Variants in RPRD1A observed in about 807,000 individuals in gnomAD.
The protein encoded by RPRD1A is regulation of nuclear pre-mRNA domain containing 1A, also known as regulation of nuclear pre-mRNA domain-containing protein 1A.
RPRD1A carries 9 observed loss-of-function variants against 37.8 expected under a neutral mutation model. The observed-to-expected ratio is 0.24, with a 90% CI of 0.14 to 0.42. The LOEUF is 0.42. Ranked by LOEUF, RPRD1A falls within the 10% of genes least tolerant of loss-of-function variation. The probability of loss-of-function intolerance (pLI) is 1.00; values close to 1 mark genes in which losing one functional copy is unlikely to be tolerated. For synonymous variants in RPRD1A, 138 were observed against 139.7 expected, an observed-to-expected ratio of 0.99 and a Z score of 0.08; for missense variants, 255 against 371.0, an observed-to-expected ratio of 0.69 and a Z score of 2.57.
intron 1 of RPRD1A, among the ~76,000 whole-genome samples, chr18:36,057,051 CAAAAA>C (rs35428437): frequency 1.8e-3 from 81 of 44,726 alleles, no homozygotes; most frequent in Non-Finnish European, 6.4e-4. Flanking sequence ...CCTGTTTCTA[CAAAAA>C]AAAAAAAAAA....
chr18:36,047,372 GAC>G (rs757302278), intron 1 of RPRD1A, among the ~76,000 whole-genome samples: 69 of 152,064 alleles, frequency 4.5e-4, no homozygotes, highest in African/African-American at 1.3e-3. Context: ...CATGAAAAAA[GAC>G]ACAGTCTCAA....
At chr18:36,044,261 C>A (rs994890639) in intron 1 of RPRD1A, among the ~76,000 whole-genome samples, 7 of 152,030 alleles carry the variant, frequency 4.6e-5, no homozygotes, top group Non-Finnish European at 8.8e-5. Flanking sequence ...GAAAAAAATT[C>A]ACATAGAAGT....
At chr18:36,012,018 C>T (rs1455711619) in intron 6 of RPRD1A, among the ~76,000 whole-genome samples, 1 of 152,172 alleles carries the variant, frequency 6.6e-6, no homozygotes, top group Non-Finnish European at 1.5e-5. Context: ...GGACAAAAAT[C>T]ATCCCTTAAT....
Position 36,016,381 on chromosome 18 carries a change from C to T in RPRD1A, c.789+10519G>A, listed in dbSNP as rs567990364. Among the ~76,000 whole-genome samples, 9 of 152,276 alleles carry T rather than the reference C, an allele frequency of 5.9e-5. No individual in the cohort carries two copies. The East Asian group carries it at 1.5e-3, about 26-fold the overall frequency. The stretch of plus-strand genomic sequence containing the variant: ...AGGATTACAGTTGCCTGCCACTACA[C>T]CCAGCTAATTTTTGTATTTTTAGTA... On this transcript the variant is annotated intron_variant, in intron 6 of 6. Transcript: ENST00000399022.
intron 1 of RPRD1A, among the ~76,000 whole-genome samples, chr18:36,065,258 C>T (rs1481383707): frequency 6.6e-6 from 1 of 152,152 alleles, no homozygotes; most frequent in Non-Finnish European, 1.5e-5. Flanking sequence ...AAAAGAAGTA[C>T]TGTTTTGCAT....
At chr18:36,007,247 C>T (rs1029337578) in intron 6 of RPRD1A, among the ~76,000 whole-genome samples, 4 of 152,130 alleles carry the variant, frequency 2.6e-5, no homozygotes, top group Admixed American at 2.6e-4. Context: ...AAAATTCAGG[C>T]TTTCACATAT....
intron 1 of RPRD1A, among the ~76,000 whole-genome samples, chr18:36,058,003 A>G (rs1406792315): frequency 6.6e-6 from 1 of 152,216 alleles, no homozygotes; most frequent in Non-Finnish European, 1.5e-5. Context: ...GACAGTAAGG[A>G]GGTCAACAAG....
chr18:36,036,982 A>G (rs1912233111), intron 1 of RPRD1A, among the ~76,000 whole-genome samples: 1 of 152,180 alleles, frequency 6.6e-6, no homozygotes, highest in Admixed American at 6.5e-5. Context: ...TTTAAATAGC[A>G]TTTATTATTT....
At chr18:36,032,936 A>G (rs901338992) in intron 2 of RPRD1A, among the ~76,000 whole-genome samples, 2 of 152,208 alleles carry the variant, frequency 1.3e-5, no homozygotes, top group Non-Finnish European at 2.9e-5. Context: ...ACTGGAGCAT[A>G]AAACTGTAAG....
At chr18:36,003,247 G>A (rs1051463015) in intron 6 of RPRD1A, among the ~76,000 whole-genome samples, 4 of 152,188 alleles carry the variant, frequency 2.6e-5, no homozygotes, top group African/African-American at 9.6e-5. Context: ...ACCAGCATCT[G>A]ATGAAACAGA....
intron 1 of RPRD1A, among the ~76,000 whole-genome samples, chr18:36,047,114 A>C (rs1913014333): frequency 6.6e-6 from 1 of 152,090 alleles, no homozygotes; most frequent in Admixed American, 6.6e-5. Flanking sequence ...CCAGCTATTC[A>C]GGAGGCTCGC....
chr18:36,058,625 A>G (rs1913958738), intron 1 of RPRD1A, among the ~76,000 whole-genome samples: 1 of 152,180 alleles, frequency 6.6e-6, no homozygotes, highest in Admixed American at 6.5e-5. Context: ...TTTCTGGGGA[A>G]TTAATATTTT....
chr18:36,034,012 C>T (rs1192071847), intron 1 of RPRD1A, among the ~76,000 whole-genome samples, 175 bp from the exon 2 acceptor site: 2 of 151,880 alleles, frequency 1.3e-5, no homozygotes, highest in African/African-American at 2.4e-5. Flanking sequence ...CTGCTAAAAT[C>T]GCCAGAACTA....
chr18:36,062,345 A>AC (rs2088932198), intron 1 of RPRD1A, among the ~76,000 whole-genome samples: 1 of 151,104 alleles, frequency 6.6e-6, no homozygotes, highest in East Asian at 1.9e-4. Context: ...AAAAAAAAAA[A>AC]AAACATGTAC....
At chr18:36,045,805 C>T (rs567563475) in intron 1 of RPRD1A, among the ~76,000 whole-genome samples, 1 of 152,136 alleles carries the variant, frequency 6.6e-6, no homozygotes, top group Non-Finnish European at 1.5e-5. Context: ...ATCATGAGGG[C>T]TGAATTAGCC....
At chr18:36,063,672 A>T (rs571331630) in intron 1 of RPRD1A, among the ~76,000 whole-genome samples, 1 of 152,370 alleles carries the variant, frequency 6.6e-6, no homozygotes, top group Non-Finnish European at 1.5e-5. Flanking sequence ...AATAACTAAA[A>T]GAATGTCTGG....
At chr18:36,063,316 C>T (rs1267254119) in intron 1 of RPRD1A, among the ~76,000 whole-genome samples, 2 of 152,074 alleles carry the variant, frequency 1.3e-5, no homozygotes, top group South Asian at 2.1e-4. Context: ...CTTAGGCCTG[C>T]GCCATCATGC....
chr18:36,028,268 A>G (rs1306764837), intron 4 of RPRD1A: 1 of 152,124 alleles, frequency 6.6e-6, no homozygotes, highest in Non-Finnish European at 1.5e-5. Flanking sequence ...GCACATGACA[A>G]ATGATCAAAT....
At chr18:36,055,397 C>T (rs940970305) in intron 1 of RPRD1A, among the ~76,000 whole-genome samples, 2 of 152,164 alleles carry the variant, frequency 1.3e-5, no homozygotes, top group Admixed American at 6.5e-5. Flanking sequence ...CTTAATCCTT[C>T]AATACTTCCT....
Sources: allele counts gnomAD v4.1 joint callset (sites outside exome capture counted in the v4.1 genomes callset), GRCh38; gene constraint gnomAD v4.1.1; transcripts MANE v1.5; gene names NCBI Gene and HGNC (gene_info 2026-07-23, HGNC 2026-07-21).